ZNF221: variants seen among roughly 807,000 people sequenced by gnomAD.
ZNF221 encodes zinc finger protein 221.
ZNF221 carries 10 observed loss-of-function variants against 12.6 expected under a neutral mutation model. That is an observed-to-expected ratio of 0.79 (90% confidence interval 0.49 to 1.34). The LOEUF is 1.34. Among genes scored for constraint, ZNF221 ranks in the 40% most tolerant of loss-of-function variants. ZNF221 has a pLI of 0.00. For missense variants in ZNF221, 661 were observed against 721.4 expected, an observed-to-expected ratio of 0.92 and a Z score of 0.96; for synonymous variants, 232 against 244.0, an observed-to-expected ratio of 0.95 and a Z score of 0.46.
chr19:43,971,315 A>G (rs1975091787), downstream of ZNF221, among the ~76,000 whole-genome samples: 1 of 152,220 alleles, frequency 6.6e-6, no homozygotes, highest in African/African-American at 2.4e-5. Flanking sequence ...ACTGAAGTAC[A>G]TAGACCAATG....
intron 1 of ZNF221, among the ~76,000 whole-genome samples, chr19:43,952,039 A>G (rs1974681304): frequency 6.6e-6 from 1 of 150,564 alleles, no homozygotes; most frequent in African/African-American, 2.4e-5. Context: ...ACGCCCGGCT[A>G]ATTTTTTGTA....
At chr19:43,954,309 A>C (rs1253117869) in intron 1 of ZNF221, among the ~76,000 whole-genome samples, 1 of 152,190 alleles carries the variant, frequency 6.6e-6, no homozygotes, top group Non-Finnish European at 1.5e-5. Context: ...GTGTCATCTT[A>C]AGGTATTAAT....
chr19:43,969,334 C>CT (rs60512580), downstream of ZNF221, among the ~76,000 whole-genome samples: 130 of 57,998 alleles, frequency 2.2e-3, 8 homozygotes, highest in African/African-American at 8.1e-3. Context: ...CAGACTGCTG[C>CT]TTTTTTTTTT....
chr19:43,979,158 G>A, the ZNF221 span, among the ~76,000 whole-genome samples: 2 of 151,838 alleles, frequency 1.3e-5, no homozygotes, highest in South Asian at 4.1e-4. Context: ...TATGCATATA[G>A]GTAACAATTG....
intron 1 of ZNF221, among the ~76,000 whole-genome samples, chr19:43,952,532 G>T (rs1974691457): frequency 6.6e-6 from 1 of 152,222 alleles, no homozygotes; most frequent in Non-Finnish European, 1.5e-5. Flanking sequence ...CTGTGGAGAG[G>T]TACTGCCATT....
chr19:43,967,165 G>A lies in ZNF221; in HGVS notation c.1663G>A (p.Val555Ile). 1 of 1,591,302 alleles carries A rather than the reference G, an allele frequency of 6.3e-7. No homozygotes were observed. ...SKFNLDMHQR[V>I]HGGERPYNCK... ...ATTTAATCTTGACATGCACCAGAGG[G>A]TCCACGGGGGAGAGCGACCCTATAA... is the stretch of plus-strand genomic sequence containing the variant. The change falls in exon 5 of 5, where the codon GTC (valine) becomes ATC (isoleucine). Residue 555 changes from valine to isoleucine, a missense_variant. By Grantham distance (29) the Val-to-Ile change is conservative. Coordinates refer to ENST00000587682, the MANE Select transcript of ZNF221 (RefSeq NM_001297588.2).
At chr19:43,968,698 G>A (rs540786205), downstream of ZNF221, among the ~76,000 whole-genome samples, 1 of 152,292 alleles carries the variant, frequency 6.6e-6, no homozygotes, top group Admixed American at 6.5e-5. Flanking sequence ...CTCTCATTGG[G>A]ACTGACTAGG....
At chr19:43,959,066 C>A (rs932346376) in intron 1 of ZNF221, among the ~76,000 whole-genome samples, 1 of 151,988 alleles carries the variant, frequency 6.6e-6, no homozygotes, top group Non-Finnish European at 1.5e-5. Context: ...GTATCACCAT[C>A]TGTAATTGTT....
In ZNF221 at chr19:43,967,172, G is replaced by A; in HGVS notation, c.1670G>A (p.Gly557Glu). 1 of 1,593,574 alleles carries A rather than the reference G, an allele frequency of 6.3e-7. No homozygotes were observed. Among genetic ancestry groups the A allele is most frequent in the African/African-American group, 1.3e-5 (1 of 74,696 alleles). The change falls in exon 5 of 5, where the codon GGG becomes GAG. Residue 557 changes from glycine (G) to glutamate (E), a missense_variant. By Grantham distance (98) the Gly-to-Glu change is moderately conservative. Coordinates refer to ENST00000587682, the MANE Select transcript of ZNF221 (RefSeq NM_001297588.2). ...CTTGACATGCACCAGAGGGTCCACG[G>A]GGGAGAGCGACCCTATAATTGTAAG... ...FNLDMHQRVH[G>E]GERPYNCKEC...
At chr19:43,972,337 C>T (rs1439533796), downstream of ZNF221, among the ~76,000 whole-genome samples, 1 of 151,862 alleles carries the variant, frequency 6.6e-6, no homozygotes, top group East Asian at 1.9e-4. Flanking sequence ...AGAAAGATCT[C>T]AAGTTAACAA....
chr19:43,958,099 G>C (rs1311150968), intron 1 of ZNF221, among the ~76,000 whole-genome samples: 1 of 152,186 alleles, frequency 6.6e-6, no homozygotes, highest in Admixed American at 6.5e-5. Context: ...TTCGCAATCA[G>C]GCCATGTATA....
At position 43,965,791 on chromosome 19, in the gene ZNF221, T is replaced by C; in HGVS notation, c.302-13T>C. 6.4e-7 allele frequency: 1 copy of C among 1,568,086 alleles called. No homozygotes were observed. The highest frequency in any genetic ancestry group is 8.6e-7 in the Non-Finnish European group (1 of 1,157,286). The stretch of plus-strand genomic sequence containing the variant: ...TTCACTTGCCCACATATATTAATTC[T>C]GTGTCTTTTTAGGAGGCAAGATCCA... On this transcript the variant is annotated splice_polypyrimidine_tract_variant and intron_variant, in intron 4 of 4. Coordinates refer to ENST00000587682, the MANE Select transcript of ZNF221 (RefSeq NM_001297588.2).
At chr19:43,953,409 A>G (rs1028329382) in intron 1 of ZNF221, among the ~76,000 whole-genome samples, 3 of 152,192 alleles carry the variant, frequency 2.0e-5, no homozygotes, top group African/African-American at 7.2e-5. Context: ...CCATGCATTC[A>G]GCAATCCAGA....
chr19:43,951,847 C>CTT (rs1974675786), intron 1 of ZNF221, among the ~76,000 whole-genome samples: 1 of 116,276 alleles, frequency 8.6e-6, no homozygotes, highest in African/African-American at 3.5e-5. Context: ...AGTCTTTGAC[C>CTT]TCTTTTTTTT....
chr19:43,972,196 A>T (rs1975112255), downstream of ZNF221, among the ~76,000 whole-genome samples: 1 of 152,230 alleles, frequency 6.6e-6, no homozygotes, highest in Admixed American at 6.5e-5. Flanking sequence ...AAATACTGAA[A>T]TTAAGGCATA....
At chr19:43,968,386 A>C (rs1267669505), downstream of ZNF221, among the ~76,000 whole-genome samples, 13 of 152,248 alleles carry the variant, frequency 8.5e-5, no homozygotes, top group Admixed American at 8.5e-4. Flanking sequence ...GCTAGAATAT[A>C]AGCTGCATTT....
the ZNF221 span, among the ~76,000 whole-genome samples, chr19:43,973,434 C>T: frequency 6.6e-6 from 1 of 152,100 alleles, no homozygotes; most frequent in African/African-American, 2.4e-5. Flanking sequence ...AGAAATAAAG[C>T]ATATTCAAAT....
intron 1 of ZNF221, among the ~76,000 whole-genome samples, chr19:43,957,234 G>A (rs571533812): frequency 8.5e-5 from 13 of 152,188 alleles, no homozygotes; most frequent in Non-Finnish European, 1.8e-4. Context: ...AGGCTGGAGC[G>A]TAGTGGAGCA....
At position 43,967,175 on chromosome 19, in the gene ZNF221, G is replaced by A. The variant is rs371345340; in HGVS notation, c.1673G>A (p.Gly558Glu). 2.6e-5 allele frequency: 42 copies of A among 1,593,714 alleles called. No homozygotes were observed. Among genetic ancestry groups the A allele is most frequent in the Non-Finnish European group, 1.4e-5 (16 of 1,167,360 alleles). ...GACATGCACCAGAGGGTCCACGGGGGAGAGCGACCCTATAATTGTAAGGAA... is the reference window on the plus strand; with the variant it reads ...GACATGCACCAGAGGGTCCACGGGGAAGAGCGACCCTATAATTGTAAGGAA... ...NLDMHQRVHG[G>E]ERPYNCKECG... The change falls in exon 5 of 5, where the codon GGA (glycine) becomes GAA (glutamate). Residue 558 changes from glycine to glutamate, a missense_variant. Transcript: ENST00000587682.
Sources: gnomAD v4.1 joint callset for allele counts (sites outside exome capture counted in the v4.1 genomes callset) on GRCh38, gnomAD v4.1.1 for gene constraint, MANE v1.5 for transcripts, NCBI Gene and HGNC (gene_info 2026-07-23, HGNC 2026-07-21) for gene names.